Variants in ATP8A2 observed in about 807,000 individuals in gnomAD.
ATP8A2 encodes the protein ATPase phospholipid transporting 8A2.
A neutral mutation model predicts 165.6 loss-of-function variants in ATP8A2; 100 were observed. The ratio of observed to expected loss-of-function variants is 0.60; its 90% CI spans 0.51 to 0.71. The LOEUF (loss-of-function observed/expected upper bound fraction) is 0.71, where lower values mean the gene tolerates loss of function less well. ATP8A2 is among the 30% of genes least tolerant of loss of function. The probability of loss-of-function intolerance (pLI) is 0.00; values close to 1 mark genes in which losing one functional copy is unlikely to be tolerated. For synonymous variants in ATP8A2, 543 were observed against 548.8 expected (o/e 0.99, Z 0.15); for missense variants, 1,227 against 1,479.5 (o/e 0.83, Z 2.80).
intron 33 of ATP8A2, among the ~76,000 whole-genome samples, chr13:25,909,387 C>G (rs1358923703): frequency 1.3e-5 from 2 of 152,032 alleles, no homozygotes; most frequent in African/African-American, 4.8e-5. Context: ...CACATCGTAC[C>G]CCATAAATAT....
rs112042822 is a variant in ATP8A2, at chr13:25,501,100, G to C, written c.222-28899G>C. ...TTTTAGAAGTATGGTTGGGCAGAAA[G>C]GGGGAGGCATGAAAGAGATGCAGAA... On this transcript the variant is annotated intron_variant, in intron 2 of 36. Coordinates refer to ENST00000381655, the MANE Select transcript of ATP8A2 (RefSeq NM_016529.6). Among the ~76,000 whole-genome samples the C allele has an allele frequency of 8.3e-4, 126 of 152,296 alleles. 1 individual carries two copies. The highest frequency in any genetic ancestry group is 3.0e-3 in the African/African-American group (124 of 41,558).
chr13:25,876,533 G>T (rs116503533), intron 33 of ATP8A2, among the ~76,000 whole-genome samples: 1 of 152,086 alleles, frequency 6.6e-6, no homozygotes, highest in Non-Finnish European at 1.5e-5. Context: ...AAATTTCACC[G>T]CAGGAAATTA....
intron 26 of ATP8A2, among the ~76,000 whole-genome samples, chr13:25,773,922 A>G (rs1210826941): frequency 6.6e-6 from 1 of 151,942 alleles, no homozygotes; most frequent in African/African-American, 2.4e-5. Flanking sequence ...AACTTTTTAA[A>G]CTACGCAGTT....
chr13:25,753,896 T>TA (rs1188541726), intron 25 of ATP8A2, among the ~76,000 whole-genome samples: 1 of 152,240 alleles, frequency 6.6e-6, no homozygotes, highest in Non-Finnish European at 1.5e-5. Flanking sequence ...TAATTACTGT[T>TA]AAAGTGTATT....
chr13:25,437,271 T>G (rs960905271), intron 1 of ATP8A2, among the ~76,000 whole-genome samples: 1 of 152,184 alleles, frequency 6.6e-6, no homozygotes, highest in Non-Finnish European at 1.5e-5. Context: ...TTTGGAATAC[T>G]TCATCTTAGC....
intron 16 of ATP8A2, among the ~76,000 whole-genome samples, chr13:25,569,015 T>G (rs993206375): frequency 1.3e-5 from 2 of 152,240 alleles, no homozygotes; most frequent in Admixed American, 6.5e-5. Context: ...TGCAATTCTT[T>G]ATAACTCTTA....
At chr13:25,877,568 A>C (rs1206430471) in intron 33 of ATP8A2, among the ~76,000 whole-genome samples, 1 of 152,030 alleles carries the variant, frequency 6.6e-6, no homozygotes, top group Non-Finnish European at 1.5e-5. Flanking sequence ...TGTCCTTGGC[A>C]CCGACCTGGT....
chr13:25,496,414 T>C (rs183993017), intron 2 of ATP8A2, among the ~76,000 whole-genome samples: 4 of 152,270 alleles, frequency 2.6e-5, no homozygotes, highest in African/African-American at 9.6e-5. Context: ...GAGGAGAGAA[T>C]ACTTTTTTTC....
At chr13:26,004,493 C>T (rs1258663963) in intron 35 of ATP8A2, among the ~76,000 whole-genome samples, 1 of 151,950 alleles carries the variant, frequency 6.6e-6, no homozygotes, top group African/African-American at 2.4e-5. Context: ...TATCAGGATA[C>T]CTTATATTAC....
intron 25 of ATP8A2, among the ~76,000 whole-genome samples, chr13:25,726,391 A>C (rs1220051173): frequency 6.6e-6 from 1 of 152,244 alleles, no homozygotes; most frequent in African/African-American, 2.4e-5. Context: ...CCACAAAGGT[A>C]GTGGCTTAAA....
At chr13:25,574,917 A>G (rs1410618735) in intron 19 of ATP8A2, 60 bp downstream of exon 19, 12 of 963,420 alleles carry the variant, frequency 1.2e-5, no homozygotes, top group Admixed American at 9.8e-5. Context: ...CAGCTTCATC[A>G]GAGTGTTTAC....
chr13:25,738,165 T>C (rs1363487419), intron 25 of ATP8A2, among the ~76,000 whole-genome samples: 2 of 152,186 alleles, frequency 1.3e-5, no homozygotes, highest in Admixed American at 6.5e-5. Context: ...GAGTGCAAGA[T>C]GCTGTCCAGA....
intron 2 of ATP8A2, among the ~76,000 whole-genome samples, chr13:25,491,628 C>G (rs542532687): frequency 6.6e-6 from 1 of 152,232 alleles, no homozygotes; most frequent in Admixed American, 6.5e-5. Flanking sequence ...TTTATGTGAC[C>G]ACGTGGGGTT....
chr13:25,884,451 G>C (rs1033598917), intron 33 of ATP8A2, among the ~76,000 whole-genome samples: 2 of 152,168 alleles, frequency 1.3e-5, no homozygotes, highest in Non-Finnish European at 2.9e-5. Context: ...ACTTCTCGCG[G>C]GTGCCTTCTA....
At chr13:25,648,763 G>C (rs7491933) in intron 24 of ATP8A2, among the ~76,000 whole-genome samples, 1 of 152,116 alleles carries the variant, frequency 6.6e-6, no homozygotes, top group Admixed American at 6.5e-5. Context: ...CATGTAATAT[G>C]TAATGCAATG....
Position 25,659,765 on chromosome 13 carries a change from G to A in ATP8A2, c.2212-39408G>A, listed in dbSNP as rs1051811503. Among the ~76,000 whole-genome samples, 13 of 152,258 alleles carry A rather than the reference G, an allele frequency of 8.5e-5. 1 individual carries two copies. The highest frequency in any genetic ancestry group is 2.1e-4 in the South Asian group (1 of 4,816). On this transcript the variant is annotated intron_variant, in intron 24 of 36. Transcript: ENST00000381655. ...TGCTATCTGTCTTTGTAGGGCAAGC[G>A]TGAAGCTTTCCCTTGCCAGCTTTGT...
chr13:25,850,368 C>T (rs1176896761), intron 30 of ATP8A2, among the ~76,000 whole-genome samples: 1 of 152,108 alleles, frequency 6.6e-6, no homozygotes, highest in African/African-American at 2.4e-5. Flanking sequence ...CTGCTGACCT[C>T]ACCGCTGTAG....
intron 24 of ATP8A2, among the ~76,000 whole-genome samples, chr13:25,688,274 C>T (rs574009786): frequency 6.6e-6 from 1 of 152,232 alleles, no homozygotes; most frequent in South Asian, 2.1e-4. Context: ...CCATGACCTT[C>T]CCTCCTTGCC....
chr13:25,827,034 C>T (rs1390712918), intron 27 of ATP8A2, among the ~76,000 whole-genome samples: 4 of 152,128 alleles, frequency 2.6e-5, no homozygotes, highest in Admixed American at 6.6e-5. Context: ...CTGCTGCCTC[C>T]GTGTATTCAG....
Sources: gnomAD v4.1 joint callset for allele counts (sites outside exome capture counted in the v4.1 genomes callset) on GRCh38, gnomAD v4.1.1 for gene constraint, MANE v1.5 for transcripts, NCBI Gene and HGNC (gene_info 2026-07-23, HGNC 2026-07-21) for gene names.